SAMTOR: variants seen among roughly 807,000 people sequenced by gnomAD.
SAMTOR encodes the protein S-adenosylmethionine sensor upstream of mTORC1.
chr7:112,913,504 G>A, the SAMTOR span, among the ~76,000 whole-genome samples: 5 of 152,126 alleles, frequency 3.3e-5, no homozygotes, highest in South Asian at 1.0e-3. Context: ...CCTATAGTCT[G>A]TTCTTAACAC....
At chr7:112,882,965 C>G in the SAMTOR span, among the ~76,000 whole-genome samples, 7 of 151,994 alleles carry the variant, frequency 4.6e-5, no homozygotes, top group African/African-American at 1.7e-4. Flanking sequence ...TAAAAAATCA[C>G]GTTTAAACTG....
the SAMTOR span, among the ~76,000 whole-genome samples, chr7:112,860,210 T>C: frequency 6.6e-5 from 10 of 152,188 alleles, no homozygotes; most frequent in African/African-American, 2.4e-4. Flanking sequence ...CAGGTATGTA[T>C]AGGCTATACC....
At chr7:112,824,461 A>G in the SAMTOR span, among the ~76,000 whole-genome samples, 2 of 152,052 alleles carry the variant, frequency 1.3e-5, no homozygotes, top group Admixed American at 6.6e-5. Context: ...CCTGGGTTCA[A>G]GTGATTCTCC....
At chr7:112,881,983 G>A in the SAMTOR span, among the ~76,000 whole-genome samples, 2 of 152,212 alleles carry the variant, frequency 1.3e-5, no homozygotes, top group East Asian at 1.9e-4. Context: ...GGCTCCCTGA[G>A]CCAAGGCTGT....
At chr7:112,822,635 G>T in the SAMTOR span, among the ~76,000 whole-genome samples, 3 of 152,182 alleles carry the variant, frequency 2.0e-5, no homozygotes, top group Non-Finnish European at 2.9e-5. Flanking sequence ...AATAATTTGT[G>T]TATTTTGGGT....
At chr7:112,860,336 T>C in the SAMTOR span, among the ~76,000 whole-genome samples, 1 of 152,174 alleles carries the variant, frequency 6.6e-6, no homozygotes, top group Non-Finnish European at 1.5e-5. Flanking sequence ...ACCCATTCTA[T>C]TCTGTTCTGT....
chr7:112,832,187 T>A, the SAMTOR span, among the ~76,000 whole-genome samples: 2 of 151,892 alleles, frequency 1.3e-5, no homozygotes, highest in Admixed American at 6.6e-5. Context: ...ACATTTTTTT[T>A]ATTTTTTAGT....
chr7:112,939,786 C>G, the SAMTOR span: 1 of 1,523,188 alleles, frequency 6.6e-7, no homozygotes, highest in Non-Finnish European at 8.9e-7. Context: ...CCCCTCAGGC[C>G]CCCGCAGACG....
At chr7:112,879,017 AAAAT>A in the SAMTOR span, among the ~76,000 whole-genome samples, 1 of 152,036 alleles carries the variant, frequency 6.6e-6, no homozygotes, top group Non-Finnish European at 1.5e-5. Context: ...GAAGGGGTCA[AAAAT>A]AAATCTTAAA....
chr7:112,921,830 A>G, the SAMTOR span, among the ~76,000 whole-genome samples: 1 of 140,968 alleles, frequency 7.1e-6, no homozygotes, highest in Non-Finnish European at 1.5e-5. Context: ...CAAAAAACAC[A>G]TGAAAAAATG....
At chr7:112,882,615 G>T in the SAMTOR span, among the ~76,000 whole-genome samples, 1 of 151,916 alleles carries the variant, frequency 6.6e-6, no homozygotes, top group Non-Finnish European at 1.5e-5. Flanking sequence ...CCTGAATCAG[G>T]GAGTCGGAGG....
the SAMTOR span, among the ~76,000 whole-genome samples, chr7:112,901,761 G>C: frequency 6.6e-6 from 1 of 152,270 alleles, no homozygotes; most frequent in Non-Finnish European, 1.5e-5. Flanking sequence ...GACCTGAACA[G>C]ACATCTCATC....
the SAMTOR span, among the ~76,000 whole-genome samples, chr7:112,879,485 G>C: frequency 6.6e-6 from 1 of 152,096 alleles, no homozygotes; most frequent in Non-Finnish European, 1.5e-5. Context: ...CGCAGTGACA[G>C]AAGAAAGATA....
chr7:112,907,842 C>CTTAT, the SAMTOR span, among the ~76,000 whole-genome samples: 82,958 of 146,118 alleles, frequency 0.57, 23,902 homozygotes, highest in East Asian at 0.74. Flanking sequence ...TTCTTACTTA[C>CTTAT]TTATTTATTT....
At chr7:112,930,720 A>G in the SAMTOR span, among the ~76,000 whole-genome samples, 1 of 152,188 alleles carries the variant, frequency 6.6e-6, no homozygotes, top group African/African-American at 2.4e-5. Flanking sequence ...TGTGTTTCCT[A>G]TATGCCAAAT....
At chr7:112,856,855 A>G in the SAMTOR span, among the ~76,000 whole-genome samples, 2 of 152,212 alleles carry the variant, frequency 1.3e-5, no homozygotes, top group African/African-American at 4.8e-5. Flanking sequence ...TCAAAACTAT[A>G]TAGTAAATAA....
the SAMTOR span, among the ~76,000 whole-genome samples, chr7:112,914,122 T>C: frequency 6.6e-6 from 1 of 152,268 alleles, no homozygotes; most frequent in Non-Finnish European, 1.5e-5. Context: ...GTTGAATGAA[T>C]GAAATATGCA....
chr7:112,927,389 G>T, the SAMTOR span, among the ~76,000 whole-genome samples: 1 of 151,990 alleles, frequency 6.6e-6, no homozygotes, highest in Non-Finnish European at 1.5e-5. Flanking sequence ...TGCATGAAAG[G>T]TCTAGTCAAC....
chr7:112,845,705 C>T, the SAMTOR span, among the ~76,000 whole-genome samples: 5 of 152,034 alleles, frequency 3.3e-5, no homozygotes, highest in Admixed American at 3.3e-4. Flanking sequence ...AGCAGAAATA[C>T]CATTTGACCT....
Sources: gnomAD v4.1 joint callset for allele counts (sites outside exome capture counted in the v4.1 genomes callset) on GRCh38, gnomAD v4.1.1 for gene constraint, MANE v1.5 for transcripts, NCBI Gene and HGNC (gene_info 2026-07-23, HGNC 2026-07-21) for gene names.